STIM2: variants seen among roughly 807,000 people sequenced by gnomAD.
The protein encoded by STIM2 is stromal interaction molecule 2.
STIM2 carries 31 observed loss-of-function variants against 85.8 expected under a neutral mutation model. The ratio of observed to expected loss-of-function variants is 0.36; its 90% CI spans 0.27 to 0.49. The LOEUF is 0.49. STIM2 is among the 20% of genes least tolerant of loss of function. The pLI, the probability that STIM2 is intolerant of heterozygous loss-of-function variation, is 0.98. For synonymous variants in STIM2, 356 were observed against 331.1 expected, an observed-to-expected ratio of 1.08 and a Z score of -0.82; for missense variants, 841 against 927.6, an observed-to-expected ratio of 0.91 and a Z score of 1.21.
chr4:26,994,812 C>G (rs752753171), intron 3 of STIM2, among the ~76,000 whole-genome samples: 28 of 152,030 alleles, frequency 1.8e-4, no homozygotes, highest in Non-Finnish European at 4.4e-5. Context: ...ATTTTTAGGT[C>G]TCAGATGTCA....
intron 2 of STIM2, 27 bp downstream of exon 2, chr4:26,919,661 A>G (rs1015029345): frequency 1.5e-5 from 24 of 1,612,542 alleles, no homozygotes; most frequent in Non-Finnish European, 1.9e-5. Context: ...TTTCCTTGCT[A>G]TTGTCTTAGA....
intron 1 of STIM2, among the ~76,000 whole-genome samples, chr4:26,906,495 A>C (rs1724131410): frequency 6.8e-6 from 1 of 146,482 alleles, no homozygotes; most frequent in Non-Finnish European, 1.5e-5. Context: ...TAGGTGATAT[A>C]ATGATTGGAC....
chr4:27,004,822 C>T (rs182266556), intron 7 of STIM2, among the ~76,000 whole-genome samples: 5 of 152,258 alleles, frequency 3.3e-5, no homozygotes, highest in South Asian at 4.1e-4. Context: ...CTGGCATGAT[C>T]GTATTAATAA....
intron 2 of STIM2, among the ~76,000 whole-genome samples, chr4:26,928,367 C>A (rs1577443424): frequency 6.6e-6 from 1 of 152,078 alleles, no homozygotes; most frequent in African/African-American, 2.4e-5. Context: ...ATTAAAAATA[C>A]CTTCAAAGGA....
At chr4:26,873,981 G>A (rs1032572280) in intron 1 of STIM2, 3 of 975,558 alleles carry the variant, frequency 3.1e-6, no homozygotes, top group East Asian at 2.5e-5. Context: ...CTGCTCTTCT[G>A]TGCCCCTCTC....
chr4:26,893,839 CTATT>C (rs754250170), intron 1 of STIM2, among the ~76,000 whole-genome samples: 4 of 151,802 alleles, frequency 2.6e-5, no homozygotes, highest in African/African-American at 4.8e-5. Context: ...TGGAGATTGT[CTATT>C]TAAGTCTTCT....
intron 8 of STIM2, 194 bp downstream of exon 8, chr4:27,007,894 G>GTA: frequency 1.4e-6 from 1 of 734,728 alleles, no homozygotes. Context: ...TTGGAGAAGT[G>GTA]TATACTTTTC....
At chr4:27,018,881 T>C (rs1482687810) in intron 11 of STIM2, among the ~76,000 whole-genome samples, 1 of 152,280 alleles carries the variant, frequency 6.6e-6, no homozygotes, top group Non-Finnish European at 1.5e-5. Context: ...TATTCTGTTA[T>C]GTGCTGGTAC....
At chr4:26,938,382 G>A (rs2109079876) in intron 2 of STIM2, among the ~76,000 whole-genome samples, 1 of 152,250 alleles carries the variant, frequency 6.6e-6, no homozygotes, top group Middle Eastern at 3.4e-3. Flanking sequence ...GGGATCTAAT[G>A]TGTAGCTAGT....
chr4:26,935,896 A>G (rs1056955159), intron 2 of STIM2, among the ~76,000 whole-genome samples: 6 of 152,308 alleles, frequency 3.9e-5, no homozygotes, highest in Admixed American at 2.6e-4. Flanking sequence ...TTATAAATAT[A>G]AATACTACTG....
At chr4:26,911,275 TA>T (rs546631682) in intron 1 of STIM2, among the ~76,000 whole-genome samples, 1,581 of 151,650 alleles carry the variant, frequency 0.01, 9 homozygotes, top group Non-Finnish European at 0.015. Context: ...TGAAATAAAA[TA>T]AAAAAAATGA....
In STIM2 at chr4:26,972,848, C is replaced by A. The variant is rs557439769; in HGVS notation, c.397+15122C>A. 1.3e-4 allele frequency among the ~76,000 whole-genome samples: 20 copies of A among 152,244 alleles called. No individual in the cohort carries two copies. The South Asian group carries it at 2.5e-3, about 19-fold the overall frequency. On this transcript the variant is annotated intron_variant, in intron 3 of 11. Transcript: ENST00000467087. ...TCCTCTTTGTACCTCTGGTAGAATT[C>A]AGCTGTGAATCCCTCTGTTCCTGGA...
intron 3 of STIM2, among the ~76,000 whole-genome samples, chr4:26,993,505 G>A (rs1727839852): frequency 1.3e-5 from 2 of 150,790 alleles, no homozygotes; most frequent in African/African-American, 4.9e-5. Flanking sequence ...TTGCTTGCAA[G>A]TATGAATTCA....
At chr4:26,889,917 C>T (rs1723402882) in intron 1 of STIM2, among the ~76,000 whole-genome samples, 1 of 152,210 alleles carries the variant, frequency 6.6e-6, no homozygotes, top group Non-Finnish European at 1.5e-5. Context: ...TACATTATTT[C>T]TCCAGATCCT....
intron 2 of STIM2, among the ~76,000 whole-genome samples, chr4:26,944,865 C>G (rs1288674710): frequency 6.6e-6 from 1 of 152,152 alleles, no homozygotes; most frequent in East Asian, 1.9e-4. Context: ...ATTTTCAAAT[C>G]TAATAGTGCA....
At chr4:26,887,746 TG>T (rs1313192006) in intron 1 of STIM2, among the ~76,000 whole-genome samples, 1 of 152,228 alleles carries the variant, frequency 6.6e-6, no homozygotes, top group Non-Finnish European at 1.5e-5. Context: ...AGTGCATATC[TG>T]TAATTATATT....
intron 7 of STIM2, among the ~76,000 whole-genome samples, 180 bp from the exon 8 acceptor site, chr4:27,007,353 T>C (rs1171329913): frequency 6.6e-6 from 1 of 151,958 alleles, no homozygotes; most frequent in Non-Finnish European, 1.5e-5. Context: ...CTCGCTCTGT[T>C]GTCAGCCTTA....
At chr4:26,954,449 CT>C (rs1159553355) in intron 2 of STIM2, among the ~76,000 whole-genome samples, 1 of 138,506 alleles carries the variant, frequency 7.2e-6, no homozygotes, top group Non-Finnish European at 1.6e-5. Flanking sequence ...TGAAGACTCA[CT>C]TCATTGAATT....
chr4:26,870,947 AATGTATG>A (rs1294542741), intron 1 of STIM2, among the ~76,000 whole-genome samples: 1 of 151,388 alleles, frequency 6.6e-6, no homozygotes, highest in Non-Finnish European at 1.5e-5. Flanking sequence ...ATGTGCCGAG[AATGTATG>A]AGTTTGTCAG....
Sources: allele counts gnomAD v4.1 joint callset (sites outside exome capture counted in the v4.1 genomes callset), GRCh38; gene constraint gnomAD v4.1.1; transcripts MANE v1.5; gene names NCBI Gene and HGNC (gene_info 2026-07-23, HGNC 2026-07-21).